Variants in PTRH1 observed in about 807,000 individuals in gnomAD.
PTRH1 encodes peptidyl-tRNA hydrolase.
Under a neutral mutation model 15.7 loss-of-function variants are expected in PTRH1, and 13 were observed. The observed-to-expected ratio is 0.83, with a 90% CI of 0.54 to 1.31. The LOEUF is 1.31. Ranked by LOEUF, PTRH1 falls within the 40% of genes most tolerant of loss-of-function variation. The pLI, the probability that PTRH1 is intolerant of heterozygous loss-of-function variation, is 0.00. For missense variants in PTRH1, 319 were observed against 296.2 expected (o/e 1.08, Z -0.56); for synonymous variants, 139 against 136.7 (o/e 1.02, Z -0.12).
chr9:127,701,771 G>A (rs1341791757), intron 1 of PTRH1, among the ~76,000 whole-genome samples: 1 of 152,122 alleles, frequency 6.6e-6, no homozygotes, highest in Non-Finnish European at 1.5e-5. Context: ...AAAATTAGTC[G>A]GGCGTGGTGG....
At chr9:127,701,125 G>A (rs554353232) in intron 1 of PTRH1, among the ~76,000 whole-genome samples, 6 of 152,190 alleles carry the variant, frequency 3.9e-5, no homozygotes, top group African/African-American at 1.2e-4. Context: ...TAGCCAACCC[G>A]TTCAGCATAA....
Position 127,715,159 on chromosome 9 carries a change from C to T in PTRH1, c.132G>A (p.Thr44=), listed in dbSNP as rs1368379581. Residue 44 remains threonine, a synonymous_variant, in exon 2 of 5, where the codon ACG becomes ACA. Coordinates refer to ENST00000543175, the MANE Select transcript of PTRH1 (RefSeq NM_001002913.3). This position sits in a 1 kb window ranked among gnomAD's most constrained non-coding sequence, Gnocchi z 5.8. ...GCACCGCCATGCCCACGCTGTGTCG[C>T]GTGCCGGGCAGTCCGGGATTCCCCA... ...AGLGNPGLPG[T]RHSVGMAVLG... is the part of the protein sequence containing the mutation. 1.4e-5 allele frequency: 22 copies of T among 1,533,490 alleles called. No individual in the cohort carries two copies. The East Asian group carries it at 4.9e-4, about 34-fold the overall frequency. 95.0% of individuals were successfully genotyped at this position (1,533,490 alleles called of 1,614,324 possible). A position where few individuals can be genotyped will look rare whatever the true frequency, so the allele number is the denominator to read the frequency against.
downstream of PTRH1, chr9:127,712,711 G>A (rs1842795063): frequency 1.2e-6 from 2 of 1,614,070 alleles, no homozygotes; most frequent in African/African-American, 1.3e-5. Context: ...ACCAACAGAT[G>A]CACCGCGATG....
intron 2 of PTRH1, chr9:127,694,871 G>A (rs1842543147): frequency 3.0e-6 from 2 of 658,678 alleles, no homozygotes; most frequent in Non-Finnish European, 5.6e-6. Flanking sequence ...TCTCTTCTGG[G>A]TACAGGAAGC....
chr9:127,705,932 G>A lies in PTRH1; in HGVS notation c.205+9503C>T, dbSNP rs1377519308. On this transcript the variant is annotated intron_variant, in intron 1 of 2. Transcript: ENST00000335223. This position sits in a 1 kb window ranked among gnomAD's most constrained non-coding sequence, Gnocchi z 4.7. Reference sequence around the variant, plus strand: ...CTGCCTGCAGGGAACAGGCACCCTGGGAAGGGCAGACCACCACAGGCGAGG... The same window carrying A: ...CTGCCTGCAGGGAACAGGCACCCTGAGAAGGGCAGACCACCACAGGCGAGG... Among the ~76,000 whole-genome samples, 2 of 152,334 alleles carry A rather than the reference G, an allele frequency of 1.3e-5. No homozygotes were observed. Among genetic ancestry groups the A allele is most frequent in the East Asian group, 1.9e-4 (1 of 5,180 alleles).
chr9:127,705,673 C>A lies in PTRH1; in HGVS notation c.205+9762G>T, dbSNP rs1435174227. ...ACTGGGAGCACTGTGGGAATTTTTGCCTGCCTAGGCTCCTGTGGGAGCAGC... is the reference window on the plus strand; with the variant it reads ...ACTGGGAGCACTGTGGGAATTTTTGACTGCCTAGGCTCCTGTGGGAGCAGC... On this transcript the variant is annotated intron_variant, in intron 1 of 2. Coordinates refer to the PTRH1 transcript ENST00000335223. The surrounding 1 kb of genome is among the most constrained non-coding windows in gnomAD (Gnocchi z 4.7). Among the ~76,000 whole-genome samples, 1 of 152,242 alleles carries A rather than the reference C, an allele frequency of 6.6e-6. No individual in the cohort carries two copies. Among genetic ancestry groups the A allele is most frequent in the Non-Finnish European group, 1.5e-5 (1 of 68,038 alleles).
chr9:127,702,630 G>A (rs1351542425), intron 1 of PTRH1, among the ~76,000 whole-genome samples: 1 of 152,090 alleles, frequency 6.6e-6, no homozygotes, highest in Non-Finnish European at 1.5e-5. Flanking sequence ...CATTTGTTGC[G>A]AACTCATCAG....
At position 127,714,135 on chromosome 9, in the gene PTRH1, G is replaced by A. The variant is rs375475837; in HGVS notation, c.610C>T (p.Arg204Cys). Residue 204 changes from arginine to cysteine, a missense_variant, in exon 5 of 5, where the codon CGT (arginine) becomes TGT (cysteine). Transcript: ENST00000543175. ...AGTGAGGGCCCCTGGCTTCGCTCAC[G>A]GATGTGGTCCAAGATCAGGTCGGTG... ...RATDLILDHI[R>C]ERSQGPSLGP 7 of 1,613,562 alleles carry A rather than the reference G, an allele frequency of 4.3e-6. No homozygotes were observed. Among genetic ancestry groups the A allele is most frequent in the East Asian group, 2.2e-5 (1 of 44,892 alleles).
intron 1 of PTRH1, among the ~76,000 whole-genome samples, chr9:127,707,350 T>C (rs1002794558): frequency 1.3e-5 from 2 of 152,222 alleles, no homozygotes; most frequent in African/African-American, 2.4e-5. Flanking sequence ...TCCTCATACG[T>C]ACCTTTGGGA....
chr9:127,702,949 G>A (rs1842615347), intron 1 of PTRH1, among the ~76,000 whole-genome samples: 1 of 150,264 alleles, frequency 6.7e-6, no homozygotes, highest in Non-Finnish European at 1.5e-5. Flanking sequence ...TCGAGCTCCT[G>A]ACCTCAGGTG....
Position 127,715,615 on chromosome 9 carries a change from C to G in PTRH1, c.25G>C (p.Ala9Pro), listed in dbSNP as rs893744917. 6.2e-7 allele frequency: 1 copy of G among 1,612,850 alleles called. No homozygotes were observed. The highest frequency in any genetic ancestry group is 2.2e-5 in the East Asian group (1 of 44,886). Residue 9 changes from alanine to proline, a missense_variant, in exon 1 of 5, where the codon GCC becomes CCC. Ala to Pro is a conservative substitution (Grantham distance 27). Transcript: ENST00000543175. This position sits in a 1 kb window ranked among gnomAD's most constrained non-coding sequence, Gnocchi z 5.8. MRPGGFLG[A>P]GQRLSRAMSR... ...ATGGCTCTACTCAGCCGCTGTCCGG[C>G]GCCCAAAAAGCCGCCCGGCCTCATG...
chr9:127,713,256 G>A (rs369614319), downstream of PTRH1: 7 of 1,386,684 alleles, frequency 5.0e-6, no homozygotes, highest in African/African-American at 8.7e-5. Context: ...CTAGTCCTGG[G>A]TACAAACTGA....
At chr9:127,712,362 G>C (rs762056948), downstream of PTRH1, 1 of 1,613,270 alleles carries the variant, frequency 6.2e-7, no homozygotes. Flanking sequence ...GAGCAGAAGG[G>C]AGAGAGGGAG....
At chr9:127,701,021 C>T (rs868068880) in intron 1 of PTRH1, among the ~76,000 whole-genome samples, 7 of 152,224 alleles carry the variant, frequency 4.6e-5, no homozygotes, top group Non-Finnish European at 1.0e-4. Flanking sequence ...AAACATGGGT[C>T]GAATGGTACA....
chr9:127,711,456 C>T, downstream of PTRH1: 4 of 1,614,008 alleles, frequency 2.5e-6, no homozygotes, highest in Non-Finnish European at 2.5e-6. Context: ...CTGGAGAACA[C>T]CCAGAAGGTC....
downstream of PTRH1, chr9:127,709,461 G>C: frequency 6.2e-7 from 1 of 1,613,960 alleles, no homozygotes; most frequent in Non-Finnish European, 8.5e-7. This position sits in a 1 kb window ranked among gnomAD's most constrained non-coding sequence, Gnocchi z 4.7. Flanking sequence ...TGCAGGAGAA[G>C]ATGTTCCGCC....
At chr9:127,698,308 A>G (rs1253123968) in intron 1 of PTRH1, among the ~76,000 whole-genome samples, 3 of 152,230 alleles carry the variant, frequency 2.0e-5, no homozygotes, top group Non-Finnish European at 4.4e-5. Context: ...AAATTATACA[A>G]ATGGCAAATA....
chr9:127,700,301 C>T (rs1409107328), intron 1 of PTRH1, among the ~76,000 whole-genome samples: 1 of 152,096 alleles, frequency 6.6e-6, no homozygotes, highest in Admixed American at 6.5e-5. Flanking sequence ...GTCTTTCCAC[C>T]TCCCACCCAC....
intron 1 of PTRH1, among the ~76,000 whole-genome samples, chr9:127,698,667 A>T (rs184061533): frequency 6.6e-6 from 1 of 152,312 alleles, no homozygotes; most frequent in East Asian, 1.9e-4. Flanking sequence ...ACAGAGTGAG[A>T]CCCTGTCTCA....
Sources: gnomAD v4.1 joint callset for allele counts (sites outside exome capture counted in the v4.1 genomes callset) on GRCh38, gnomAD v4.1.1 for gene constraint, Gnocchi (gnomAD v3.1) non-coding constraint, MANE v1.5 for transcripts, NCBI Gene and HGNC (gene_info 2026-07-23, HGNC 2026-07-21) for gene names.